Variants in SFSWAP observed in about 807,000 individuals in gnomAD.
SFSWAP encodes splicing factor SWAP.
Under a neutral mutation model 100.7 loss-of-function variants are expected in SFSWAP, and 17 were observed. The observed-to-expected ratio is 0.17, with a 90% CI of 0.12 to 0.25. The LOEUF (loss-of-function observed/expected upper bound fraction) is 0.25. Ranked by LOEUF, SFSWAP falls within the 10% of genes least tolerant of loss-of-function variation. The pLI is 1.00. For synonymous variants in SFSWAP, 504 were observed against 510.1 expected (o/e 0.99, Z 0.16); for missense variants, 1,005 against 1,262.6 (o/e 0.80, Z 3.09).
At chr12:131,732,099 G>T (rs929156878) in intron 7 of SFSWAP, among the ~76,000 whole-genome samples, 3 of 151,538 alleles carry the variant, frequency 2.0e-5, no homozygotes, top group Non-Finnish European at 4.4e-5. Context: ...TAGTAGAGAC[G>T]GGGTTTCACC....
intron 11 of SFSWAP, among the ~76,000 whole-genome samples, chr12:131,759,942 G>A (rs913185698): frequency 1.3e-5 from 2 of 152,190 alleles, no homozygotes; most frequent in Non-Finnish European, 2.9e-5. Context: ...CTCAGATGCC[G>A]AGAAAGCAGC....
chr12:131,738,486 G>A (rs896312882), intron 7 of SFSWAP, among the ~76,000 whole-genome samples: 1 of 152,144 alleles, frequency 6.6e-6, no homozygotes, highest in Non-Finnish European at 1.5e-5. Context: ...AAATACTTAC[G>A]TTAAAGTGGA....
intron 14 of SFSWAP, chr12:131,785,029 G>C: frequency 6.7e-7 from 1 of 1,495,426 alleles, no homozygotes; most frequent in Admixed American, 2.1e-5. Flanking sequence ...GCCCAGCCCA[G>C]CACCTTTTAT....
At chr12:131,788,668 G>A (rs565810637) in intron 15 of SFSWAP, among the ~76,000 whole-genome samples, 1 of 152,022 alleles carries the variant, frequency 6.6e-6, no homozygotes, top group Admixed American at 6.6e-5. Context: ...TGGGGCCACA[G>A]GCTGTCACCA....
chr12:131,717,370 C>T (rs1878020782), intron 3 of SFSWAP, among the ~76,000 whole-genome samples: 1 of 152,132 alleles, frequency 6.6e-6, no homozygotes, highest in South Asian at 2.1e-4. Flanking sequence ...CATAATTTTT[C>T]ATCATTATTC....
Position 131,753,211 on chromosome 12 carries a change from T to C in SFSWAP, c.1170T>C (p.Thr390=), listed in dbSNP as rs1449078998. 6.2e-7 allele frequency: 1 copy of C among 1,614,198 alleles called. No individual in the cohort carries two copies. The highest frequency in any genetic ancestry group is 1.1e-5 in the South Asian group (1 of 91,090). ...CGCCCCCTCCCGGAATCGACGTGAC[T>C]ACTTACTACAGCACCCTTCCTGCTG... The part of the protein sequence containing the change: ...LAPPPPGIDV[T]TYYSTLPAGV... The change falls in exon 8 of 18, where the codon ACT becomes ACC. Residue 390 remains threonine, a synonymous_variant. Transcript: ENST00000261674.
intron 15 of SFSWAP, among the ~76,000 whole-genome samples, chr12:131,788,154 T>C (rs938425348): frequency 6.6e-6 from 1 of 152,244 alleles, no homozygotes; most frequent in Non-Finnish European, 1.5e-5. Context: ...GCCTTCACAT[T>C]AACCTTTGCT....
At chr12:131,775,302 CTT>C (rs2136250712) in intron 13 of SFSWAP, among the ~76,000 whole-genome samples, 1 of 152,296 alleles carries the variant, frequency 6.6e-6, no homozygotes, top group African/African-American at 2.4e-5. Flanking sequence ...TCAGCTCTCT[CTT>C]TGTTTTCCTG....
At chr12:131,746,015 T>C (rs1371123607) in intron 7 of SFSWAP, among the ~76,000 whole-genome samples, 2 of 152,146 alleles carry the variant, frequency 1.3e-5, no homozygotes, top group Non-Finnish European at 2.9e-5. Context: ...TAAACAAACA[T>C]CGGTTATGGT....
At chr12:131,798,704 A>T (rs956561260) in intron 16 of SFSWAP, among the ~76,000 whole-genome samples, 6 of 152,144 alleles carry the variant, frequency 3.9e-5, no homozygotes, top group African/African-American at 1.4e-4. Flanking sequence ...ACCCTGACCA[A>T]TATGGTGAAA....
intron 13 of SFSWAP, among the ~76,000 whole-genome samples, chr12:131,767,511 A>G (rs1484123298): frequency 3.3e-5 from 5 of 152,228 alleles, no homozygotes; most frequent in Non-Finnish European, 7.3e-5. Context: ...TTGTATCAAT[A>G]AACTGTGACA....
In SFSWAP at chr12:131,794,819, T is replaced by A. The variant is rs1367931687; in HGVS notation, c.2535-2359T>A. ...CCAATGGACAGTGGCACCTCGGTGC[T>A]TTAAAAAAAAATGAATGAGTTGCTC... On this transcript the variant is annotated intron_variant, in intron 15 of 17. Coordinates refer to ENST00000261674, the MANE Select transcript of SFSWAP (RefSeq NM_004592.4). The surrounding 1 kb of genome is among the most constrained non-coding windows in gnomAD (Gnocchi z 4.8). Among the ~76,000 whole-genome samples the A allele has an allele frequency of 1.3e-5, 2 of 152,162 alleles. No homozygotes were observed. The highest frequency in any genetic ancestry group is 4.8e-5 in the African/African-American group (2 of 41,458).
At position 131,726,956 on chromosome 12, in the gene SFSWAP, T is replaced by G; in HGVS notation, c.849T>G (p.Ser283=). ...SDEKKKSGVS[S]DNEDDDDEED... ...TGATTTCAGAATCAGGAGTCAGCTCTGACAATGAAGATGATGATGATGAAG... is the reference window on the plus strand; with the variant it reads ...TGATTTCAGAATCAGGAGTCAGCTCGGACAATGAAGATGATGATGATGAAG... The change falls in exon 6 of 18, where the codon TCT becomes TCG. Residue 283 remains serine (S), a synonymous_variant. Coordinates refer to ENST00000261674, the MANE Select transcript of SFSWAP (RefSeq NM_004592.4). 1.9e-6 allele frequency: 3 copies of G among 1,598,772 alleles called. No homozygotes were observed. The highest frequency in any genetic ancestry group is 2.6e-6 in the Non-Finnish European group (3 of 1,169,134).
chr12:131,776,846 G>A (rs1487936126), intron 13 of SFSWAP, among the ~76,000 whole-genome samples: 2 of 152,250 alleles, frequency 1.3e-5, no homozygotes, highest in Admixed American at 1.3e-4. Flanking sequence ...GAGAGAGTGA[G>A]CTTTCTGGGT....
intron 13 of SFSWAP, among the ~76,000 whole-genome samples, chr12:131,771,785 C>T (rs966722915): frequency 6.6e-6 from 1 of 151,930 alleles, no homozygotes; most frequent in African/African-American, 2.4e-5. Context: ...GCCTCAGCCT[C>T]CCAAGTAGCT....
intron 15 of SFSWAP, among the ~76,000 whole-genome samples, chr12:131,793,083 A>G (rs1885389054): frequency 6.6e-6 from 1 of 152,106 alleles, no homozygotes; most frequent in African/African-American, 2.4e-5. Context: ...GAAAAAGAGA[A>G]AGGAAAGTCT....
At chr12:131,787,420 A>AC (rs907688055) in intron 15 of SFSWAP, among the ~76,000 whole-genome samples, 12 of 152,018 alleles carry the variant, frequency 7.9e-5, no homozygotes, top group African/African-American at 2.7e-4. Context: ...CACTGATGTC[A>AC]CCACCCAGTG....
rs200643009 is a variant in SFSWAP, at chr12:131,765,653, G to GA, written c.1952-452dup. On this transcript the variant is annotated intron_variant, in intron 12 of 17. Coordinates refer to ENST00000261674, the MANE Select transcript of SFSWAP (RefSeq NM_004592.4). ...ACAAGAGCAAAAACTCCGTCTCAAAGAAAAAAAAAAAAAGCCATTTTTCAA... is the reference window on the plus strand; with the variant it reads ...ACAAGAGCAAAAACTCCGTCTCAAAGAAAAAAAAAAAAAAGCCATTTTTCAA... 1.4e-3 allele frequency among the ~76,000 whole-genome samples: 186 copies of GA among 136,500 alleles called. 1 individual carries two copies. Among genetic ancestry groups the GA allele is most frequent in the African/African-American group, 2.4e-3 (89 of 37,116 alleles). 89.5% of individuals were successfully genotyped at this position (136,500 alleles called of 152,430 possible).
At chr12:131,727,169 A>G in intron 6 of SFSWAP, 117 bp downstream of exon 6, 1 of 669,174 alleles carries the variant, frequency 1.5e-6, no homozygotes, top group South Asian at 1.8e-5. Context: ...TTATTTTATC[A>G]TCATTGAGGT....
Sources: allele counts gnomAD v4.1 joint callset (sites outside exome capture counted in the v4.1 genomes callset), GRCh38; gene constraint gnomAD v4.1.1; non-coding constraint Gnocchi (gnomAD v3.1); transcripts MANE v1.5; gene names NCBI Gene and HGNC (gene_info 2026-07-23, HGNC 2026-07-21).